The following TTC39B variants were observed in gnomAD, a reference collection of about 807,000 sequenced individuals.
The protein encoded by TTC39B is tetratricopeptide repeat domain 39B, also known as tetratricopeptide repeat protein 39B.
A neutral mutation model predicts 96.6 loss-of-function variants in TTC39B; 92 were observed. The observed-to-expected ratio is 0.95, with a 90% CI of 0.80 to 1.13. The LOEUF is 1.13. Ranked by LOEUF, TTC39B falls within the 50% of genes most tolerant of loss-of-function variation. The probability of loss-of-function intolerance (pLI) is 0.00; values close to 1 mark genes in which losing one functional copy is unlikely to be tolerated. For synonymous variants in TTC39B, 367 were observed against 299.4 expected, an observed-to-expected ratio of 1.23 and a Z score of -2.33; for missense variants, 955 against 809.3, an observed-to-expected ratio of 1.18 and a Z score of -2.18.
chr9:15,197,827 C>T (rs1008433824), intron 8 of TTC39B, among the ~76,000 whole-genome samples: 9 of 150,750 alleles, frequency 6.0e-5, no homozygotes, highest in African/African-American at 2.0e-4. Context: ...TACAATAGGA[C>T]GCCAGTTTTA....
chr9:15,183,633 G>T (rs186514355), intron 16 of TTC39B, among the ~76,000 whole-genome samples: 1 of 152,272 alleles, frequency 6.6e-6, no homozygotes. Flanking sequence ...TTAAGGCAAA[G>T]AAAGATGATA....
intron 1 of TTC39B, among the ~76,000 whole-genome samples, chr9:15,279,533 C>T (rs1397153934): frequency 1.3e-5 from 2 of 152,196 alleles, no homozygotes; most frequent in Non-Finnish European, 1.5e-5. Context: ...AAGCTATTTT[C>T]CTTAGGACCT....
chr9:15,220,722 G>A (rs368219555), intron 3 of TTC39B, among the ~76,000 whole-genome samples: 48 of 152,026 alleles, frequency 3.2e-4, no homozygotes, highest in African/African-American at 1.1e-3. Context: ...TGGAAAAATA[G>A]GACAGAGTTT....
At chr9:15,238,619 A>G (rs958661327) in intron 2 of TTC39B, among the ~76,000 whole-genome samples, 1 of 152,216 alleles carries the variant, frequency 6.6e-6, no homozygotes, top group East Asian at 1.9e-4. Context: ...CACTGATGAA[A>G]GAAATCACAG....
intron 19 of TTC39B, among the ~76,000 whole-genome samples, chr9:15,173,971 C>T (rs1817794021): frequency 6.6e-6 from 1 of 152,162 alleles, no homozygotes; most frequent in African/African-American, 2.4e-5. Context: ...TGCAGATGTT[C>T]ACTAACTGTG....
At chr9:15,257,955 A>G (rs528138147) in intron 2 of TTC39B, among the ~76,000 whole-genome samples, 2 of 152,008 alleles carry the variant, frequency 1.3e-5, no homozygotes, top group African/African-American at 4.8e-5. Flanking sequence ...GCTACTCAGG[A>G]AGGCTGAGGC....
chr9:15,250,201 G>A (rs1822470405), intron 2 of TTC39B: 1 of 1,147,328 alleles, frequency 8.7e-7, no homozygotes, highest in South Asian at 1.9e-5. Flanking sequence ...TACACTCACT[G>A]CTGTAGCGGA....
chr9:15,239,703 C>T (rs1821952292), intron 2 of TTC39B, among the ~76,000 whole-genome samples: 1 of 152,088 alleles, frequency 6.6e-6, no homozygotes, highest in Non-Finnish European at 1.5e-5. Context: ...GAAAGCTAAA[C>T]AATAGGTACA....
chr9:15,205,834 C>CG lies in TTC39B; in HGVS notation c.692-1945dup, dbSNP rs1564344619. On this transcript the variant is annotated intron_variant, in intron 6 of 19. Coordinates refer to ENST00000512701, the Ensembl canonical transcript of TTC39B. Reference sequence around the variant, plus strand: ...GTGGTGATGGCAGCGGTGGGGGAGCCGGGGCGGAGGGGACTGTGCTGGTAA... The same window carrying CG: ...GTGGTGATGGCAGCGGTGGGGGAGCCGGGGGCGGAGGGGACTGTGCTGGTAA... Among the ~76,000 whole-genome samples the CG allele has an allele frequency of 3.3e-5, 5 of 151,874 alleles. No homozygotes were observed. The South Asian group carries it at 6.2e-4, about 19-fold the overall frequency.
At chr9:15,274,982 A>G (rs1293233845) in intron 1 of TTC39B, among the ~76,000 whole-genome samples, 2 of 152,076 alleles carry the variant, frequency 1.3e-5, no homozygotes, top group Non-Finnish European at 2.9e-5. Flanking sequence ...TAGGATTAAT[A>G]TAGTTCCCTG....
chr9:15,187,080 T>C, intron 14 of TTC39B, 45 bp from the exon 15 acceptor site: 3 of 1,424,736 alleles, frequency 2.1e-6, no homozygotes, highest in Non-Finnish European at 2.9e-6. Flanking sequence ...CCTAGGTAAA[T>C]GACATTTCTA....
At chr9:15,195,420 T>C (rs1819101683) in intron 8 of TTC39B, among the ~76,000 whole-genome samples, 1 of 151,732 alleles carries the variant, frequency 6.6e-6, no homozygotes, top group South Asian at 2.1e-4. Flanking sequence ...CCTGTAATCT[T>C]AGCACTTTGG....
chr9:15,259,042 A>G (rs1464841746), intron 2 of TTC39B, among the ~76,000 whole-genome samples: 1 of 152,232 alleles, frequency 6.6e-6, no homozygotes. Flanking sequence ...GAAAATACAA[A>G]GAGAAGCAAG....
intron 5 of TTC39B, 96 bp from the exon 6 acceptor site, chr9:15,210,260 CAA>C: frequency 1.3e-6 from 1 of 781,832 alleles, no homozygotes; most frequent in Non-Finnish European, 2.1e-6. Flanking sequence ...ACTATCACAC[CAA>C]AGAGTCAAAA....
chr9:15,265,096 T>G (rs1823082838), intron 2 of TTC39B, among the ~76,000 whole-genome samples: 1 of 152,250 alleles, frequency 6.6e-6, no homozygotes. Context: ...AATAGTGGGC[T>G]AGCAATTTTA....
intron 1 of TTC39B, among the ~76,000 whole-genome samples, chr9:15,290,894 A>C (rs1824165749): frequency 6.6e-6 from 1 of 152,162 alleles, no homozygotes; most frequent in South Asian, 2.1e-4. Flanking sequence ...CGTATCCTCT[A>C]TCTTGGCAAA....
chr9:15,268,795 C>G (rs534151549), intron 1 of TTC39B, among the ~76,000 whole-genome samples: 1 of 152,226 alleles, frequency 6.6e-6, no homozygotes, highest in Non-Finnish European at 1.5e-5. Flanking sequence ...TGACACCCTC[C>G]ATTCAATTCT....
intron 17 of TTC39B, among the ~76,000 whole-genome samples, chr9:15,179,811 T>TA (rs1818151470): frequency 6.6e-6 from 1 of 152,208 alleles, no homozygotes; most frequent in Non-Finnish European, 1.5e-5. Flanking sequence ...CATGGGAAGT[T>TA]AAAATACTAG....
intron 2 of TTC39B, among the ~76,000 whole-genome samples, chr9:15,261,101 T>C (rs1485605063): frequency 2.0e-5 from 3 of 152,218 alleles, no homozygotes; most frequent in African/African-American, 7.2e-5. Context: ...AAAGAAAATC[T>C]TAATTAATCA....
Sources: gnomAD v4.1 joint callset for allele counts (sites outside exome capture counted in the v4.1 genomes callset) on GRCh38, gnomAD v4.1.1 for gene constraint, MANE v1.5 for transcripts, NCBI Gene and HGNC (gene_info 2026-07-23, HGNC 2026-07-21) for gene names.